EML4: variants seen among roughly 807,000 people sequenced by gnomAD.
The protein encoded by EML4 is echinoderm microtubule-associated protein-like 4.
In EML4, 72 loss-of-function variants were observed where a neutral mutation model predicts 129.0. The observed-to-expected ratio is 0.56, with a 90% CI of 0.46 to 0.68. The LOEUF is 0.68. Among genes scored for constraint, EML4 ranks in the 30% least tolerant of loss-of-function variants. The pLI is 0.00. For synonymous variants in EML4, 532 were observed against 405.0 expected (o/e 1.31, Z -3.77); for missense variants, 1,363 against 1,190.6 (o/e 1.14, Z -2.13).
At chr2:42,301,522 A>C (rs142203566) in intron 14 of EML4, 130 bp downstream of exon 14, 291 of 732,728 alleles carry the variant, frequency 4.0e-4, no homozygotes, top group Non-Finnish European at 4.7e-4. Context: ...TTCCTCAAGA[A>C]AGGAGTTTGT....
chr2:42,200,363 A>G (rs1672154408), intron 1 of EML4, among the ~76,000 whole-genome samples: 2 of 152,004 alleles, frequency 1.3e-5, no homozygotes. Flanking sequence ...GACAAGGGGA[A>G]AAAGAAAGAA....
At chr2:42,257,461 G>T (rs867578350) in intron 3 of EML4, among the ~76,000 whole-genome samples, 36 of 151,082 alleles carry the variant, frequency 2.4e-4, no homozygotes, top group Middle Eastern at 3.4e-3. Context: ...ATTATTCATT[G>T]GTGTGGATTC....
intron 1 of EML4, among the ~76,000 whole-genome samples, chr2:42,220,263 T>G (rs1008335926): frequency 6.7e-6 from 1 of 149,922 alleles, no homozygotes; most frequent in South Asian, 2.1e-4. Context: ...TTTTTACAAA[T>G]TGAAGGTTTT....
chr2:42,324,878 G>GATA (rs1228539296), intron 19 of EML4, among the ~76,000 whole-genome samples: 1 of 152,138 alleles, frequency 6.6e-6, no homozygotes, highest in Non-Finnish European at 1.5e-5. Flanking sequence ...CCTGCTTAAG[G>GATA]AATGTTTTAA....
At chr2:42,204,891 C>G (rs1311252265) in intron 1 of EML4, among the ~76,000 whole-genome samples, 2 of 152,176 alleles carry the variant, frequency 1.3e-5, no homozygotes, top group East Asian at 1.9e-4. Flanking sequence ...TGTAAATGTT[C>G]TTTGCCTCAG....
At chr2:42,213,600 AGATGT>A (rs1673007494) in intron 1 of EML4, among the ~76,000 whole-genome samples, 1 of 152,204 alleles carries the variant, frequency 6.6e-6, no homozygotes, top group African/African-American at 2.4e-5. Flanking sequence ...TTCAGATTGC[AGATGT>A]GTGCCTCAAC....
rs564051141 is a variant in EML4, at chr2:42,240,482, G to C, written c.26-5023G>C. Among the ~76,000 whole-genome samples, 9 of 152,150 alleles carry C rather than the reference G, an allele frequency of 5.9e-5. No individual in the cohort carries two copies. The East Asian group carries it at 1.7e-3, about 29-fold the overall frequency. On this transcript the variant is annotated intron_variant, in intron 1 of 22. Transcript: ENST00000318522. ...GTTAATTTTTTAAAAGTGTGTTTTG[G>C]TGTGTGTCTATCAATTATTCAGTAC...
At chr2:42,301,433 A>C (rs1335700148) in intron 14 of EML4, 41 bp downstream of exon 14, 3 of 1,473,522 alleles carry the variant, frequency 2.0e-6, no homozygotes, top group Non-Finnish European at 2.7e-6. Flanking sequence ...AAATACTCTA[A>C]ACTCAGGTAT....
chr2:42,303,216 A>T lies in EML4; in HGVS notation c.1754A>T (p.Gln585Leu), dbSNP rs749850633. 2.5e-6 allele frequency: 4 copies of T among 1,614,094 alleles called. No homozygotes were observed. In the African/African-American group the frequency reaches 5.3e-5, roughly 22 times the overall value. Residue 585 changes from glutamine (Q) to leucine (L), a missense_variant, in exon 15 of 23, where the codon CAA becomes CTA. Transcript: ENST00000318522. ...ILRGTFNDGF[Q>L]IEVQGHTDEL... ...CGAGGAACATTTAATGATGGCTTCCAAATAGAAGTACAGGTAAGCTGTGTG... is the reference window on the plus strand; with the variant it reads ...CGAGGAACATTTAATGATGGCTTCCTAATAGAAGTACAGGTAAGCTGTGTG...
At chr2:42,241,026 A>G (rs1342677193) in intron 1 of EML4, among the ~76,000 whole-genome samples, 1 of 152,034 alleles carries the variant, frequency 6.6e-6, no homozygotes. Flanking sequence ...CGCCTCTGTA[A>G]TCTCCCAGCT....
At chr2:42,302,731 A>G (rs1668360796) in intron 14 of EML4, among the ~76,000 whole-genome samples, 1 of 151,956 alleles carries the variant, frequency 6.6e-6, no homozygotes, top group Admixed American at 6.6e-5. Context: ...ACAGGGTTTC[A>G]CCATGTTGGC....
chr2:42,225,714 C>G (rs984478198), intron 1 of EML4, among the ~76,000 whole-genome samples: 2 of 152,138 alleles, frequency 1.3e-5, no homozygotes, highest in Non-Finnish European at 2.9e-5. Flanking sequence ...CTTCTTCCCT[C>G]CCTGCAGATA....
chr2:42,278,846 G>A (rs1666813124), intron 6 of EML4, among the ~76,000 whole-genome samples: 1 of 151,948 alleles, frequency 6.6e-6, no homozygotes, highest in Non-Finnish European at 1.5e-5. Flanking sequence ...TGAGGCAGGA[G>A]AATCACTTGA....
chr2:42,250,527 A>C (rs908660030), intron 2 of EML4, among the ~76,000 whole-genome samples: 1 of 152,174 alleles, frequency 6.6e-6, no homozygotes, highest in Non-Finnish European at 1.5e-5. Flanking sequence ...TGTGTGTAGA[A>C]GTATAGTCAT....
chr2:42,236,702 T>C (rs544448837), intron 1 of EML4, among the ~76,000 whole-genome samples: 1 of 152,310 alleles, frequency 6.6e-6, no homozygotes, highest in East Asian at 1.9e-4. Context: ...AGGATGTGTG[T>C]GTCTTCAGTT....
At chr2:42,176,274 C>T (rs568194225) in intron 1 of EML4, among the ~76,000 whole-genome samples, 12 of 152,246 alleles carry the variant, frequency 7.9e-5, no homozygotes, top group African/African-American at 2.4e-4. Context: ...TCTTTTCCAC[C>T]GCTATAGTTC....
chr2:42,178,695 C>G (rs1020432261), intron 1 of EML4, among the ~76,000 whole-genome samples: 1 of 152,140 alleles, frequency 6.6e-6, no homozygotes, highest in Non-Finnish European at 1.5e-5. Context: ...TTAAGCTGAT[C>G]TGATGGAGTT....
At position 42,181,451 on chromosome 2, in the gene EML4, A is replaced by G. The variant is rs146437179; in HGVS notation, c.25+11815A>G. On this transcript the variant is annotated intron_variant, in intron 1 of 22. Transcript: ENST00000318522. ...GTAGCTGGGTTTACAGGCACACGCC[A>G]CTAACACTTGGCTAATTTTTGTATT... 2.9e-3 allele frequency among the ~76,000 whole-genome samples: 448 copies of G among 152,132 alleles called. 2 individuals carry two copies. The highest frequency in any genetic ancestry group is 0.01 in the African/African-American group (427 of 41,506).
intron 6 of EML4, among the ~76,000 whole-genome samples, chr2:42,268,222 T>C (rs1666173570): frequency 6.6e-6 from 1 of 151,974 alleles, no homozygotes; most frequent in Non-Finnish European, 1.5e-5. Context: ...ATGTATAAAC[T>C]TTTTTTTGTC....
Sources: gnomAD v4.1 joint callset for allele counts (sites outside exome capture counted in the v4.1 genomes callset) on GRCh38, gnomAD v4.1.1 for gene constraint, MANE v1.5 for transcripts, NCBI Gene and HGNC (gene_info 2026-07-23, HGNC 2026-07-21) for gene names.